Variants in DLG2 observed in about 807,000 individuals in gnomAD.
DLG2 encodes disks large homolog 2.
DLG2 carries 45 observed loss-of-function variants against 132.5 expected under a neutral mutation model. The ratio of observed to expected loss-of-function variants is 0.34; its 90% CI spans 0.27 to 0.44. The LOEUF is 0.44. Ranked by LOEUF, DLG2 falls within the 20% of genes least tolerant of loss-of-function variation. The probability of loss-of-function intolerance (pLI) is 1.00; values close to 1 mark genes in which losing one functional copy is unlikely to be tolerated. For synonymous variants in DLG2, 424 were observed against 419.6 expected (o/e 1.01, Z -0.13); for missense variants, 1,045 against 1,196.9 (o/e 0.87, Z 1.87).
intron 7 of DLG2, among the ~76,000 whole-genome samples, chr11:84,398,376 G>C (rs2098818082): frequency 6.6e-6 from 1 of 152,084 alleles, no homozygotes; most frequent in South Asian, 2.1e-4. Context: ...GTACTATAAA[G>C]AATAAAGTAG....
At chr11:84,873,803 A>G (rs1198064080) in intron 6 of DLG2, among the ~76,000 whole-genome samples, 1 of 152,344 alleles carries the variant, frequency 6.6e-6, no homozygotes, top group East Asian at 1.9e-4. Context: ...AATAACTTGA[A>G]TCTTAACAAT....
rs182692138 is a variant in DLG2 at position 84,546,351 on chromosome 11, G to T, written c.358-11620C>A. 7.2e-4 allele frequency among the ~76,000 whole-genome samples: 110 copies of T among 152,228 alleles called. 1 individual carries two copies. The highest frequency in any genetic ancestry group is 2.3e-3 in the African/African-American group (96 of 41,538). ...TTCCTGTTTGCCTTCTGCCATGATT[G>T]AAAGTTTCCTGAGGCCTCCCCGGAA... is the stretch of plus-strand genomic sequence containing the variant. On this transcript the variant is annotated intron_variant, in intron 6 of 27. Coordinates refer to ENST00000376104, the MANE Select transcript of DLG2 (RefSeq NM_001142699.3).
chr11:84,252,140 C>CTTTTTTTTTTTTTTTTTTTTTTT (rs1176873990), intron 7 of DLG2, among the ~76,000 whole-genome samples: 2 of 65,354 alleles, frequency 3.1e-5, no homozygotes, highest in Non-Finnish European at 5.4e-5. Flanking sequence ...TTCTTTCTTT[C>CTTTTTTTTTTTTTTTTTTTTTTT]TTTTTTTTTT....
intron 6 of DLG2, among the ~76,000 whole-genome samples, chr11:84,606,177 T>C (rs1346004780): frequency 2.0e-5 from 3 of 152,048 alleles, no homozygotes; most frequent in African/African-American, 7.2e-5. Context: ...CAGAGTGCAT[T>C]AAAAAAATGA....
intron 18 of DLG2, among the ~76,000 whole-genome samples, chr11:83,733,510 T>C (rs895168045): frequency 6.6e-6 from 1 of 152,208 alleles, no homozygotes; most frequent in African/African-American, 2.4e-5. Context: ...TGGTGTTAAA[T>C]AGTGCTCAGG....
chr11:84,654,554 G>C (rs1488683414), intron 6 of DLG2, among the ~76,000 whole-genome samples: 2 of 152,038 alleles, frequency 1.3e-5, no homozygotes, highest in Non-Finnish European at 2.9e-5. Context: ...AATAAATCTT[G>C]CCTATAGTCA....
chr11:83,572,755 G>A (rs1476907267), intron 19 of DLG2, among the ~76,000 whole-genome samples: 2 of 152,136 alleles, frequency 1.3e-5, no homozygotes, highest in East Asian at 1.9e-4. Flanking sequence ...CCTTAGTGAG[G>A]CAACTCACTC....
intron 3 of DLG2, among the ~76,000 whole-genome samples, chr11:85,521,841 TA>T (rs2074337054): frequency 6.6e-6 from 1 of 152,184 alleles, no homozygotes; most frequent in Non-Finnish European, 1.5e-5. Context: ...TTGACAGGAA[TA>T]ATTTAGGATA....
chr11:84,091,256 T>TAAG (rs1432153178), intron 10 of DLG2, among the ~76,000 whole-genome samples: 1 of 152,236 alleles, frequency 6.6e-6, no homozygotes, highest in African/African-American at 2.4e-5. Flanking sequence ...CGCCATGTGC[T>TAAG]CTTCTTGCCT....
intron 15 of DLG2, among the ~76,000 whole-genome samples, chr11:83,914,226 T>C (rs2076547397): frequency 1.3e-5 from 2 of 152,098 alleles, no homozygotes. Context: ...TCACTGTTAG[T>C]TCCTGCAAGA....
At chr11:84,367,834 T>A (rs1206395632) in intron 7 of DLG2, among the ~76,000 whole-genome samples, 1 of 152,096 alleles carries the variant, frequency 6.6e-6, no homozygotes, top group African/African-American at 2.4e-5. Context: ...TTATCAATTA[T>A]CCAGTCTCAG....
intron 6 of DLG2, among the ~76,000 whole-genome samples, chr11:84,836,378 T>C (rs1177868198): frequency 6.6e-6 from 1 of 151,676 alleles, no homozygotes; most frequent in Non-Finnish European, 1.5e-5. Flanking sequence ...ACCACAATGA[T>C]CTTAGACAAG....
chr11:84,750,223 A>G (rs2065931128), intron 6 of DLG2, among the ~76,000 whole-genome samples: 1 of 152,164 alleles, frequency 6.6e-6, no homozygotes, highest in African/African-American at 2.4e-5. Context: ...TTACATAGGT[A>G]AATGTGTGCC....
chr11:85,449,957 G>A (rs1015296247), intron 3 of DLG2, among the ~76,000 whole-genome samples: 1 of 151,926 alleles, frequency 6.6e-6, no homozygotes, highest in African/African-American at 2.4e-5. Flanking sequence ...GAGAAATCCT[G>A]TCTCTATTAA....
chr11:84,703,115 C>T (rs1313005449), intron 6 of DLG2, among the ~76,000 whole-genome samples: 1 of 151,538 alleles, frequency 6.6e-6, no homozygotes, highest in Non-Finnish European at 1.5e-5. Context: ...TTAAAAGGGG[C>T]TTACCTTATT....
chr11:85,064,879 CCTCTCTCTCTTTCTCT>C (rs1337362122), intron 6 of DLG2, among the ~76,000 whole-genome samples: 3 of 151,524 alleles, frequency 2.0e-5, no homozygotes, highest in South Asian at 2.1e-4. Context: ...ACCCTTCCAG[CCTCTCTCTCTTTCTCT>C]CTCTCTCTCT....
At chr11:84,518,629 T>A (rs2099281075) in intron 7 of DLG2, among the ~76,000 whole-genome samples, 1 of 152,134 alleles carries the variant, frequency 6.6e-6, no homozygotes, top group African/African-American at 2.4e-5. Context: ...CCCATTTCAT[T>A]TGATCATTTA....
At chr11:85,521,695 T>C (rs1223978982) in intron 3 of DLG2, among the ~76,000 whole-genome samples, 1 of 152,152 alleles carries the variant, frequency 6.6e-6, no homozygotes, top group East Asian at 1.9e-4. Flanking sequence ...ATATGGACAA[T>C]TAAGTTCAGG....
At chr11:84,394,399 T>C (rs2098803911) in intron 7 of DLG2, among the ~76,000 whole-genome samples, 1 of 151,818 alleles carries the variant, frequency 6.6e-6, no homozygotes, top group South Asian at 2.1e-4. Context: ...ACAAAAGTTA[T>C]AGCATGACAG....
Sources: gnomAD v4.1 joint callset for allele counts (sites outside exome capture counted in the v4.1 genomes callset) on GRCh38, gnomAD v4.1.1 for gene constraint, MANE v1.5 for transcripts, NCBI Gene and HGNC (gene_info 2026-07-23, HGNC 2026-07-21) for gene names.